Variants in MSANTD2 observed in about 807,000 individuals in gnomAD.
The protein encoded by MSANTD2 is Myb/SANT DNA binding domain containing 2.
MSANTD2 carries 19 observed loss-of-function variants against 52.6 expected under a neutral mutation model. The observed-to-expected ratio is 0.36, with a 90% confidence interval of 0.25 to 0.53. The LOEUF (loss-of-function observed/expected upper bound fraction) is 0.53, where lower values mean the gene tolerates loss of function less well. Ranked by LOEUF, MSANTD2 falls within the 20% of genes least tolerant of loss-of-function variation. MSANTD2 has a pLI of 0.91. For missense variants in MSANTD2, 558 were observed against 716.3 expected, an observed-to-expected ratio of 0.78 and a Z score of 2.52; for synonymous variants, 291 against 289.7, an observed-to-expected ratio of 1.00 and a Z score of -0.04.
intron 1 of MSANTD2, among the ~76,000 whole-genome samples, chr11:124,799,407 G>T (rs1340201118): frequency 6.6e-6 from 1 of 152,184 alleles, no homozygotes; most frequent in African/African-American, 2.4e-5. Context: ...CTATGGCTCC[G>T]CTACGGCCAC....
chr11:124,778,778 G>C (rs759525175), intron 1 of MSANTD2, among the ~76,000 whole-genome samples: 1 of 152,156 alleles, frequency 6.6e-6, no homozygotes, highest in Non-Finnish European at 1.5e-5. Context: ...AGGACAGAGT[G>C]AAAGTTTTGC....
chr11:124,791,498 G>A, intron 1 of MSANTD2: 2 of 1,111,096 alleles, frequency 1.8e-6, no homozygotes, highest in South Asian at 2.6e-5. Flanking sequence ...AAATGGCTGA[G>A]GGCAAGAGTT....
Position 124,768,042 on chromosome 11 carries a change from T to C in MSANTD2, c.828-14A>G. The C allele has an allele frequency of 1.3e-6, 2 of 1,587,126 alleles. No homozygotes were observed. Among genetic ancestry groups the C allele is most frequent in the South Asian group, 2.3e-5 (2 of 87,924 alleles). ...ATGTCTCTCTTCCTGGAAAGACAAATAAAAGTCAAATTCCCTAAGTATCTA... is the reference window on the plus strand; with the variant it reads ...ATGTCTCTCTTCCTGGAAAGACAAACAAAAGTCAAATTCCCTAAGTATCTA... On this transcript the variant is annotated splice_polypyrimidine_tract_variant and intron_variant, in intron 3 of 3. Transcript: ENST00000374979.
At chr11:124,786,342 TATATC>T (rs1418999949) in intron 1 of MSANTD2, among the ~76,000 whole-genome samples, 2 of 152,184 alleles carry the variant, frequency 1.3e-5, no homozygotes, top group Admixed American at 6.5e-5. Flanking sequence ...TTTTGTTTGG[TATATC>T]ATATATTAAA....
At chr11:124,785,789 T>C (rs1945139873) in intron 1 of MSANTD2, among the ~76,000 whole-genome samples, 1 of 151,142 alleles carries the variant, frequency 6.6e-6, no homozygotes, top group South Asian at 2.1e-4. Flanking sequence ...ATTACATATA[T>C]ATTAAGATAT....
Position 124,767,467 on chromosome 11 carries a change from T to C in MSANTD2, c.1389A>G (p.Leu463=), listed in dbSNP as rs371453648. ...TTCGGGTGGGTTCTATTTCCACCTG[T>C]AATGAGGCTTGTGCTGAAAGGGTTT... ...DLETLSAQAS[L]QVEIEPTRII... is the part of the protein sequence containing the mutation. The change falls in exon 4 of 4, where the codon TTA becomes TTG. Residue 463 remains leucine, a synonymous_variant. Coordinates refer to ENST00000374979, the MANE Select transcript of MSANTD2 (RefSeq NM_001308027.2). This position sits in a 1 kb window ranked among gnomAD's most constrained non-coding sequence, Gnocchi z 6.5. 27 of 1,614,210 alleles carry C rather than the reference T, an allele frequency of 1.7e-5. No homozygotes were observed. In the African/African-American group the frequency reaches 3.1e-4, roughly 18 times the overall value.
Position 124,767,554 on chromosome 11 carries a change from G to C in MSANTD2, c.1302C>G (p.Pro434=), listed in dbSNP as rs201499478. The C allele has an allele frequency of 3.1e-6, 5 of 1,614,134 alleles. No homozygotes were observed. Among genetic ancestry groups the C allele is most frequent in the Non-Finnish European group, 4.2e-6 (5 of 1,180,024 alleles). ...AACTTTGCTCCATGTGTGGTGAGAG[G>C]GGCCTCTCAATACATTCTTCATAGC... The part of the protein sequence containing the change: ...AIGYEECIER[P]LSPHMEQSSL... Residue 434 remains proline, a synonymous_variant, in exon 4 of 4, where the codon CCC becomes CCG. Coordinates refer to ENST00000374979, the MANE Select transcript of MSANTD2 (RefSeq NM_001308027.2). The surrounding 1 kb of genome is among the most constrained non-coding windows in gnomAD (Gnocchi z 6.5).
rs559230106 is a variant in MSANTD2 at position 124,792,223 on chromosome 11, T to C, written c.510+7648A>G. 1.7e-4 allele frequency: 26 copies of C among 153,236 alleles called. 1 individual carries two copies. The South Asian group carries it at 5.2e-3, about 30-fold the overall frequency. 9.5% of individuals were successfully genotyped at this position (153,236 alleles called of 1,614,324 possible). A position where few individuals can be genotyped will look rare whatever the true frequency, so the allele number is the denominator to read the frequency against. On this transcript the variant is annotated intron_variant, in intron 1 of 3. Coordinates refer to ENST00000374979, the MANE Select transcript of MSANTD2 (RefSeq NM_001308027.2). ...AACACCATAAAAAAGTTGTTACTCA[T>C]CACAACATATAAATGACCTGGAATT...
intron 1 of MSANTD2, chr11:124,790,583 T>C (rs1003963219): frequency 5.3e-5 from 8 of 152,276 alleles, no homozygotes; most frequent in Non-Finnish European, 1.0e-4. Flanking sequence ...ACTTTCCATC[T>C]AGCTTACTGC....
chr11:124,774,683 C>A lies in MSANTD2; in HGVS notation c.766+36G>T. ...ACATACATAAAGGTATATAAATATA[C>A]ACAAACATAAGTATCATATATGTTG... On this transcript the variant is annotated intron_variant, in intron 2 of 3. Coordinates refer to ENST00000374979, the MANE Select transcript of MSANTD2 (RefSeq NM_001308027.2). This position sits in a 1 kb window ranked among gnomAD's most constrained non-coding sequence, Gnocchi z 5.1. 6.3e-7 allele frequency: 1 copy of A among 1,596,600 alleles called. No individual in the cohort carries two copies.
At chr11:124,768,689 T>C (rs1944393084) in intron 3 of MSANTD2, among the ~76,000 whole-genome samples, 1 of 152,188 alleles carries the variant, frequency 6.6e-6, no homozygotes, top group Non-Finnish European at 1.5e-5. Context: ...AGAATTAAGA[T>C]CTGGGAATTC....
intron 1 of MSANTD2, among the ~76,000 whole-genome samples, chr11:124,780,481 T>C (rs1009189611): frequency 6.6e-6 from 1 of 152,236 alleles, no homozygotes; most frequent in African/African-American, 2.4e-5. Context: ...AAAATGTTTT[T>C]ATTCTTCAAT....
intron 1 of MSANTD2, among the ~76,000 whole-genome samples, chr11:124,781,753 A>G (rs1944980828): frequency 6.6e-6 from 1 of 151,590 alleles, no homozygotes; most frequent in African/African-American, 2.4e-5. Context: ...CCTGGGTTCA[A>G]GTGATTCTCT....
At position 124,774,829 on chromosome 11, in the gene MSANTD2, C is replaced by T; in HGVS notation, c.656G>A (p.Gly219Asp). 1 of 1,614,174 alleles carries T rather than the reference C, an allele frequency of 6.2e-7. No individual in the cohort carries two copies. The highest frequency in any genetic ancestry group is 8.5e-7 in the Non-Finnish European group (1 of 1,180,040). ...ATCTGACTCCAGCTCCTGGTACAAG[C>T]CACTACTGTTAATAAGTACAGGCTG... ...PCQPVLINSS[G>D]LYQELESDGS... The change falls in exon 2 of 4, where the codon GGC (glycine) becomes GAC (aspartate). Residue 219 changes from glycine to aspartate, a missense_variant. Around this residue, in one of 2 missense-constraint regions of MSANTD2, gnomAD observed 408 missense variants for 573.6 expected, o/e 0.71. Transcript: ENST00000374979. The surrounding 1 kb of genome is among the most constrained non-coding windows in gnomAD (Gnocchi z 5.1).
intron 3 of MSANTD2, among the ~76,000 whole-genome samples, chr11:124,768,766 T>C (rs1051855004): frequency 6.6e-6 from 1 of 152,188 alleles, no homozygotes; most frequent in African/African-American, 2.4e-5. Context: ...AAATTGAGAC[T>C]GTTCTAGAAA....
chr11:124,799,893 G>T lies in MSANTD2; in HGVS notation c.488C>A (p.Ser163Tyr). ...LAELGYERTP[S>Y]QCRERIKTLR... ...TACCTTGATGCGCTCCCGGCACTGGGACGGGGTCCGCTCGTAGCCCAGCTC... is the reference window on the plus strand; with the variant it reads ...TACCTTGATGCGCTCCCGGCACTGGTACGGGGTCCGCTCGTAGCCCAGCTC... The change falls in exon 1 of 4, where the codon TCC becomes TAC. Residue 163 changes from serine to tyrosine, a missense_variant. Ser to Tyr is a moderately radical substitution (Grantham distance 144, BLOSUM62 -2). This residue lies in a region of MSANTD2 where 408 missense variants were observed against 573.6 expected (regional missense o/e 0.71). Coordinates refer to ENST00000374979, the MANE Select transcript of MSANTD2 (RefSeq NM_001308027.2). The T allele has an allele frequency of 6.3e-7, 1 of 1,583,832 alleles. No homozygotes were observed. Among genetic ancestry groups the T allele is most frequent in the South Asian group, 1.1e-5 (1 of 89,170 alleles).
intron 1 of MSANTD2, among the ~76,000 whole-genome samples, chr11:124,794,706 T>C (rs1333894718): frequency 6.6e-6 from 1 of 152,170 alleles, no homozygotes; most frequent in Non-Finnish European, 1.5e-5. Flanking sequence ...TTATAAATAA[T>C]TGCAAGGCTT....
At position 124,766,942 on chromosome 11, in the gene MSANTD2, C is replaced by A; in HGVS notation, c.*234G>T. ...CTGTTTTTAAAAAAGAAATAGCTGA[C>A]CCACCATGCAAGTTCGCTATATATC... On this transcript the variant is annotated 3_prime_UTR_variant, in exon 4 of 4. Coordinates refer to ENST00000374979, the MANE Select transcript of MSANTD2 (RefSeq NM_001308027.2). 2.5e-6 allele frequency: 1 copy of A among 398,842 alleles called. No homozygotes were observed. The highest frequency in any genetic ancestry group is 4.4e-6 in the Non-Finnish European group (1 of 226,022). The allele number at this position is 398,842 out of a possible 1,614,324, so 24.7% of individuals were successfully genotyped here. A position where few individuals can be genotyped will look rare whatever the true frequency, so the allele number is the denominator to read the frequency against.
chr11:124,775,795 TATC>T (rs983460939), intron 1 of MSANTD2: 1 of 152,244 alleles, frequency 6.6e-6, no homozygotes, highest in African/African-American at 2.4e-5. Context: ...AGCAAATAAA[TATC>T]ATTATGCAAA....
Sources: allele counts gnomAD v4.1 joint callset (sites outside exome capture counted in the v4.1 genomes callset), GRCh38; gene constraint gnomAD v4.1.1; regional missense constraint gnomAD v4.1.1; non-coding constraint Gnocchi (gnomAD v3.1); transcripts MANE v1.5; gene names NCBI Gene and HGNC (gene_info 2026-07-23, HGNC 2026-07-21).